Variants in DAB1 observed in about 807,000 individuals in gnomAD.
DAB1 encodes the protein DAB adaptor protein 1.
Under a neutral mutation model 64.6 loss-of-function variants are expected in DAB1, and 15 were observed. That is an observed-to-expected ratio of 0.23 (90% CI 0.16 to 0.36). The LOEUF (loss-of-function observed/expected upper bound fraction) is 0.36, where lower values mean the gene tolerates loss of function less well. DAB1 is among the 10% of genes least tolerant of loss of function. DAB1 has a pLI of 1.00. For missense variants in DAB1, 596 were observed against 706.7 expected, an observed-to-expected ratio of 0.84 and a Z score of 1.78; for synonymous variants, 235 against 251.9, an observed-to-expected ratio of 0.93 and a Z score of 0.64.
chr1:57,966,286 C>A (rs560431097), intron 5 of DAB1, among the ~76,000 whole-genome samples: 1 of 152,258 alleles, frequency 6.6e-6, no homozygotes, highest in East Asian at 1.9e-4. Context: ...CTGGGCTAGA[C>A]TTGCACTTGT....
intron 2 of DAB1, among the ~76,000 whole-genome samples, chr1:57,195,281 G>A (rs1436684102): frequency 2.0e-5 from 3 of 152,192 alleles, no homozygotes; most frequent in Admixed American, 2.0e-4. Context: ...TCCTCTTTCT[G>A]TTGCTTTCAC....
chr1:57,827,087 A>C (rs774214898), intron 1 of DAB1, among the ~76,000 whole-genome samples: 1 of 152,224 alleles, frequency 6.6e-6, no homozygotes, highest in Non-Finnish European at 1.5e-5. Flanking sequence ...TTATTGTTTA[A>C]TATAAGATGA....
chr1:57,963,684 C>G (rs1315872699), intron 5 of DAB1, among the ~76,000 whole-genome samples: 4 of 152,190 alleles, frequency 2.6e-5, no homozygotes, highest in Admixed American at 6.5e-5. Context: ...CACGCCCATG[C>G]TGCTGCCCAC....
At chr1:57,771,521 T>C (rs1358342436) in intron 6 of DAB1, among the ~76,000 whole-genome samples, 1 of 151,888 alleles carries the variant, frequency 6.6e-6, no homozygotes, top group African/African-American at 2.4e-5. Context: ...TAGAGAAGAG[T>C]AGTTATCCCA....
At chr1:57,827,335 CAT>C (rs1177160907) in intron 1 of DAB1, among the ~76,000 whole-genome samples, 1 of 152,162 alleles carries the variant, frequency 6.6e-6, no homozygotes, top group Non-Finnish European at 1.5e-5. Context: ...GTTAATAACA[CAT>C]GTTAGTATCT....
At position 57,739,340 on chromosome 1, in the gene DAB1, C is replaced by T. The variant is rs574062029; in HGVS notation, n.552-89675G>A. ...CATTTCTTTCTGTTACTATCTTTCT[C>T]ACATATTGAGGAGTCAGGGAAGAAT... On this transcript the variant is annotated intron_variant and non_coding_transcript_variant, in intron 6 of 20. Transcript: ENST00000485760. Among the ~76,000 whole-genome samples the T allele has an allele frequency of 2.0e-5, 3 of 151,400 alleles. No homozygotes were observed. In the South Asian group the frequency reaches 6.3e-4, roughly 32 times the overall value.
chr1:58,041,280 T>C (rs993233997), intron 5 of DAB1, among the ~76,000 whole-genome samples: 2 of 152,204 alleles, frequency 1.3e-5, no homozygotes, highest in African/African-American at 4.8e-5. Context: ...ATTGGCTTAC[T>C]TGTCTCTCAT....
intron 4 of DAB1, among the ~76,000 whole-genome samples, chr1:58,239,518 C>T (rs1660194305): frequency 6.6e-6 from 1 of 152,154 alleles, no homozygotes; most frequent in African/African-American, 2.4e-5. Context: ...ATCCCAGAAC[C>T]TGTCTGGAGT....
chr1:58,473,316 G>A (rs1304029632), intron 3 of DAB1, among the ~76,000 whole-genome samples: 2 of 152,042 alleles, frequency 1.3e-5, no homozygotes, highest in Non-Finnish European at 2.9e-5. Context: ...GCCGAGGCGG[G>A]TGGATCACGA....
chr1:57,380,961 C>T (rs1037522435), intron 1 of DAB1, among the ~76,000 whole-genome samples: 1 of 152,112 alleles, frequency 6.6e-6, no homozygotes, highest in African/African-American at 2.4e-5. Context: ...ATATCTCCTC[C>T]AAGCTTATAT....
intron 5 of DAB1, among the ~76,000 whole-genome samples, chr1:58,091,397 A>G (rs1443971823): frequency 6.6e-6 from 1 of 152,150 alleles, no homozygotes; most frequent in African/African-American, 2.4e-5. Flanking sequence ...GCACATCACC[A>G]CCCAGAGCTC....
intron 4 of DAB1, among the ~76,000 whole-genome samples, chr1:58,155,182 GC>G (rs1372562232): frequency 6.6e-6 from 1 of 152,212 alleles, no homozygotes; most frequent in Non-Finnish European, 1.5e-5. Context: ...GAAAAATGCA[GC>G]CTGGATTCAG....
chr1:57,731,712 T>A (rs1247781324), intron 6 of DAB1, among the ~76,000 whole-genome samples: 1 of 151,632 alleles, frequency 6.6e-6, no homozygotes, highest in Non-Finnish European at 1.5e-5. Context: ...GGCTGAGGCA[T>A]GAGAATCGCT....
chr1:58,100,603 G>A (rs573062696), intron 5 of DAB1, among the ~76,000 whole-genome samples: 107 of 152,208 alleles, frequency 7.0e-4, no homozygotes, highest in African/African-American at 2.4e-3. Flanking sequence ...GCTGGATTAT[G>A]GTAATTCTAT....
intron 1 of DAB1, among the ~76,000 whole-genome samples, chr1:57,841,719 C>T (rs1006288234): frequency 2.6e-5 from 4 of 152,188 alleles, no homozygotes; most frequent in Admixed American, 6.5e-5. Context: ...CATGGAGCAG[C>T]GGAGCCCTGG....
At chr1:57,683,663 C>A (rs1241077896) in intron 6 of DAB1, among the ~76,000 whole-genome samples, 1 of 152,112 alleles carries the variant, frequency 6.6e-6, no homozygotes, top group African/African-American at 2.4e-5. Flanking sequence ...AAAGGAACAC[C>A]AGCGCTCTAC....
intron 1 of DAB1, among the ~76,000 whole-genome samples, chr1:57,309,543 A>G (rs1369976332): frequency 6.6e-6 from 1 of 152,190 alleles, no homozygotes; most frequent in Admixed American, 6.5e-5. Flanking sequence ...AGGTAACATA[A>G]CTTACCAAAA....
intron 12 of DAB1, 99 bp from the exon 13 acceptor site, chr1:57,011,371 C>A: frequency 7.4e-7 from 1 of 1,347,060 alleles, no homozygotes; most frequent in Middle Eastern, 2.3e-4. Flanking sequence ...GAAGTCAAAT[C>A]TTAGGATTCC....
At chr1:57,832,621 G>A (rs1174708850) in intron 1 of DAB1, among the ~76,000 whole-genome samples, 7 of 152,214 alleles carry the variant, frequency 4.6e-5, no homozygotes, top group African/African-American at 7.2e-5. Context: ...GTAAAAATCA[G>A]GGCATGCTGT....
Sources: gnomAD v4.1 joint callset for allele counts (sites outside exome capture counted in the v4.1 genomes callset) on GRCh38, gnomAD v4.1.1 for gene constraint, MANE v1.5 for transcripts, NCBI Gene and HGNC (gene_info 2026-07-23, HGNC 2026-07-21) for gene names.